VPS13D: variants seen among roughly 807,000 people sequenced by gnomAD.
VPS13D encodes intermembrane lipid transfer protein VPS13D.
VPS13D carries 187 observed loss-of-function variants against 461.9 expected under a neutral mutation model. The observed-to-expected ratio is 0.40, with a 90% CI of 0.36 to 0.46. VPS13D has a LOEUF of 0.46. VPS13D is among the 20% of genes least tolerant of loss of function. VPS13D has a pLI of 0.60. For synonymous variants in VPS13D, 1,951 were observed against 1,986.3 expected (o/e 0.98, Z 0.47); for missense variants, 4,711 against 5,364.9 (o/e 0.88, Z 3.81).
intron 65 of VPS13D, among the ~76,000 whole-genome samples, chr1:12,448,061 G>A (rs1645216359): frequency 6.6e-6 from 1 of 152,148 alleles, no homozygotes; most frequent in Non-Finnish European, 1.5e-5. Context: ...TTTTCCAAGT[G>A]CTTTCGTAAC....
chr1:12,379,341 C>T (rs1644241980), intron 56 of VPS13D, 147 bp from the exon 57 acceptor site: 3 of 607,364 alleles, frequency 4.9e-6, no homozygotes, highest in South Asian at 4.4e-5. Flanking sequence ...ACCTAACTGC[C>T]CTAGGATTCA....
At chr1:12,430,958 G>A (rs1402595529) in intron 65 of VPS13D, among the ~76,000 whole-genome samples, 4 of 152,178 alleles carry the variant, frequency 2.6e-5, no homozygotes, top group African/African-American at 7.2e-5. Flanking sequence ...ATCAATTAAC[G>A]TGACAAACTG....
In VPS13D at chr1:12,358,532, G is replaced by A. The variant is rs1199279482; in HGVS notation, c.10072G>A (p.Gly3358Ser). 3 of 1,614,202 alleles carry A rather than the reference G, an allele frequency of 1.9e-6. No individual in the cohort carries two copies. Among genetic ancestry groups the A allele is most frequent in the Non-Finnish European group, 2.5e-6 (3 of 1,180,038 alleles). Residue 3358 changes from glycine to serine, a missense_variant, in exon 50 of 70, where the codon GGT becomes AGT. This residue lies in a region of VPS13D where 4,411 missense variants were observed against 4,937.8 expected (regional missense o/e 0.89). Coordinates refer to ENST00000620676, the MANE Select transcript of VPS13D (RefSeq NM_015378.4). ...PGWCQGFSLDGGSGVRALKVI... is the reference protein window; with the variant it reads ...PGWCQGFSLDSGSGVRALKVI... ...CTGGTGTCAGGGCTTCTCCCTGGATGGTGGTAGTGGTGTCCGAGCTTTGAA... is the reference window on the plus strand; with the variant it reads ...CTGGTGTCAGGGCTTCTCCCTGGATAGTGGTAGTGGTGTCCGAGCTTTGAA...
At position 12,304,589 on chromosome 1, in the gene VPS13D, C is replaced by T; in HGVS notation, c.6300C>T (p.Thr2100=). Residue 2100 remains threonine (T), a synonymous_variant, in exon 26 of 70, where the codon ACC becomes ACT. Coordinates refer to ENST00000620676, the MANE Select transcript of VPS13D (RefSeq NM_015378.4). The part of the protein sequence containing the change: ...KTTSTEEPRG[T]HSQGQFTMPL... ...CAAGCACGGAGGAGCCCAGGGGAAC[C>T]CATTCCCAGGGGCAGTTCACGATGC... 1 of 1,614,100 alleles carries T rather than the reference C, an allele frequency of 6.2e-7. No individual in the cohort carries two copies. Among genetic ancestry groups the T allele is most frequent in the Non-Finnish European group, 8.5e-7 (1 of 1,180,020 alleles).
intron 65 of VPS13D, among the ~76,000 whole-genome samples, chr1:12,442,295 C>T (rs1170463270): frequency 6.6e-6 from 1 of 151,894 alleles, no homozygotes; most frequent in African/African-American, 2.4e-5. Context: ...ATATTTTTCC[C>T]ACTGTCTTTG....
At chr1:12,305,406 C>T (rs994796994) in intron 26 of VPS13D, among the ~76,000 whole-genome samples, 1 of 152,142 alleles carries the variant, frequency 6.6e-6, no homozygotes, top group Non-Finnish European at 1.5e-5. Flanking sequence ...TCCTGAGTAG[C>T]TGGGACTACA....
intron 52 of VPS13D, among the ~76,000 whole-genome samples, chr1:12,367,257 C>T (rs1420332831): frequency 6.6e-6 from 1 of 152,154 alleles, no homozygotes; most frequent in Non-Finnish European, 1.5e-5. Context: ...AGATTTGGGT[C>T]AAATATTTTC....
chr1:12,275,995 C>T lies in VPS13D; in HGVS notation c.2407C>T (p.Gln803Ter). ...PFSGVEFSEE[Q>*]LQAHLMSTKM... ...TTCTGGAGTTGAGTTCAGTGAAGAA[C>T]AGCTTCAAGCACATTTAATGAGCAC... is the stretch of plus-strand genomic sequence containing the variant. The change falls in exon 19 of 70, where the codon CAG (glutamine) becomes TAG (stop). Residue 803 changes from glutamine to a stop codon, truncating the protein, a stop_gained. Transcript: ENST00000620676. LOFTEE classifies it high-confidence loss of function. The T allele has an allele frequency of 6.2e-7, 1 of 1,613,972 alleles. No individual in the cohort carries two copies.
At chr1:12,306,174 TG>T in intron 26 of VPS13D, among the ~76,000 whole-genome samples, 1 of 152,062 alleles carries the variant, frequency 6.6e-6, no homozygotes, top group South Asian at 2.1e-4. Flanking sequence ...TTAGTAGAGA[TG>T]GGGTTTCACC....
At chr1:12,381,793 GTC>G (rs1644274886) in intron 57 of VPS13D, among the ~76,000 whole-genome samples, 1 of 152,196 alleles carries the variant, frequency 6.6e-6, no homozygotes, top group East Asian at 1.9e-4. Context: ...CATCCCTGGA[GTC>G]TCTCTGAATC....
intron 41 of VPS13D, among the ~76,000 whole-genome samples, chr1:12,342,460 A>C (rs990698380): frequency 1.3e-5 from 2 of 152,188 alleles, no homozygotes; most frequent in African/African-American, 4.8e-5. Context: ...GTTCCAGCTG[A>C]GGTCATGAAG....
intron 63 of VPS13D, among the ~76,000 whole-genome samples, chr1:12,410,896 G>A (rs1644718038): frequency 6.6e-6 from 1 of 152,162 alleles, no homozygotes; most frequent in Admixed American, 6.5e-5. Context: ...CATAAAAGCT[G>A]TTTGACAAAC....
intron 28 of VPS13D, 62 bp downstream of exon 28, chr1:12,311,687 A>T: frequency 6.3e-7 from 1 of 1,597,596 alleles, no homozygotes; most frequent in Non-Finnish European, 8.5e-7. Flanking sequence ...CACCCTGTGT[A>T]TCTATTCCTC....
Position 12,349,355 on chromosome 1 carries a change from G to A in VPS13D, c.9412G>A (p.Glu3138Lys). ...SKRECHSMDTEKSRFFRFCVA... is the reference protein window; with the variant it reads ...SKRECHSMDTKKSRFFRFCVA... ...ACGAGAGTGCCACTCTATGGACACA[G>A]AAAAAAGCCGATTTTTCAGGTATGT... Residue 3138 changes from glutamate to lysine, a missense_variant, in exon 46 of 70, where the codon GAA (glutamate) becomes AAA (lysine). Around this residue, in one of 3 missense-constraint regions of VPS13D, gnomAD observed 4,411 missense variants for 4,937.8 expected, o/e 0.89. Transcript: ENST00000620676. The A allele has an allele frequency of 6.2e-7, 1 of 1,613,874 alleles. No homozygotes were observed. Among genetic ancestry groups the A allele is most frequent in the Middle Eastern group, 1.6e-4 (1 of 6,062 alleles).
chr1:12,442,722 T>TG (rs1332973833), intron 65 of VPS13D, among the ~76,000 whole-genome samples: 2 of 151,910 alleles, frequency 1.3e-5, no homozygotes, highest in Non-Finnish European at 2.9e-5. Flanking sequence ...CTCAGCCTCC[T>TG]GAGTAACTGA....
intron 65 of VPS13D, among the ~76,000 whole-genome samples, chr1:12,422,241 TA>T (rs1347756171): frequency 2.0e-5 from 3 of 152,252 alleles, no homozygotes; most frequent in Admixed American, 2.0e-4. Flanking sequence ...GATATTTTCA[TA>T]ATTTGTCGTG....
chr1:12,456,129 T>C lies in VPS13D; in HGVS notation c.12465T>C (p.His4155=), dbSNP rs1425697227. Residue 4155 remains histidine (H), a splice_region_variant and synonymous_variant, in exon 66 of 70, where the codon CAT becomes CAC. Coordinates refer to ENST00000620676, the MANE Select transcript of VPS13D (RefSeq NM_015378.4). The part of the protein sequence containing the change: ...HLVAGIHGLA[H]GIIGGLTSVI... ...TAGCCGGCATCCATGGCCTGGCTCA[T>C]GGTAAGTCATGGGTGACATCAGGCT... The C allele has an allele frequency of 1.9e-6, 3 of 1,611,052 alleles. No individual in the cohort carries two copies. The highest frequency in any genetic ancestry group is 2.5e-6 in the Non-Finnish European group (3 of 1,178,776).
intron 2 of VPS13D, among the ~76,000 whole-genome samples, chr1:12,234,782 C>T (rs1640094525): frequency 6.6e-6 from 1 of 152,186 alleles, no homozygotes; most frequent in Non-Finnish European, 1.5e-5. Context: ...AGATAATATA[C>T]CTCCAGAGGG....
chr1:12,460,526 A>C, intron 67 of VPS13D, 130 bp downstream of exon 67: 1 of 880,296 alleles, frequency 1.1e-6, no homozygotes, highest in African/African-American at 1.7e-5. Flanking sequence ...CTTGTAACTG[A>C]AATTTCTGAT....
Sources: gnomAD v4.1 joint callset for allele counts (sites outside exome capture counted in the v4.1 genomes callset) on GRCh38, gnomAD v4.1.1 for gene constraint, gnomAD v4.1.1 regional missense constraint, MANE v1.5 for transcripts, NCBI Gene and HGNC (gene_info 2026-07-23, HGNC 2026-07-21) for gene names.